VWA3B: variants seen among roughly 807,000 people sequenced by gnomAD.
VWA3B encodes von Willebrand factor A domain containing 3B.
Under a neutral mutation model 158.3 loss-of-function variants are expected in VWA3B, and 138 were observed. The observed-to-expected ratio is 0.87, with a 90% CI of 0.76 to 1.00. The LOEUF is 1.00. Ranked by LOEUF, VWA3B falls within the 50% of genes least tolerant of loss-of-function variation. The probability of loss-of-function intolerance (pLI) is 0.00; values close to 1 mark genes in which losing one functional copy is unlikely to be tolerated. For synonymous variants in VWA3B, 596 were observed against 587.3 expected, an observed-to-expected ratio of 1.01 and a Z score of -0.21; for missense variants, 1,555 against 1,565.1, an observed-to-expected ratio of 0.99 and a Z score of 0.11.
At chr2:98,210,921 A>G (rs1683454901) in intron 12 of VWA3B, among the ~76,000 whole-genome samples, 1 of 152,230 alleles carries the variant, frequency 6.6e-6, no homozygotes, top group Non-Finnish European at 1.5e-5. Flanking sequence ...ACTTGGCAGT[A>G]GTGGCAGATG....
intron 4 of VWA3B, among the ~76,000 whole-genome samples, chr2:98,120,242 T>C (rs1674860589): frequency 1.3e-5 from 2 of 152,208 alleles, no homozygotes. Flanking sequence ...TTCAGAGTTT[T>C]CACAACCAAT....
chr2:98,217,042 G>T, intron 13 of VWA3B: 1 of 1,203,102 alleles, frequency 8.3e-7, no homozygotes, highest in Non-Finnish European at 1.1e-6. Context: ...ATGTTCAAGT[G>T]CCCCAGGATG....
chr2:98,127,050 T>C (rs1675422490), intron 5 of VWA3B, among the ~76,000 whole-genome samples: 2 of 149,264 alleles, frequency 1.3e-5, no homozygotes, highest in South Asian at 4.2e-4. Context: ...ATCTTCAGCT[T>C]ATTGGGATTT....
At chr2:98,223,018 AT>A (rs1684636825) in intron 14 of VWA3B, among the ~76,000 whole-genome samples, 2 of 152,218 alleles carry the variant, frequency 1.3e-5, no homozygotes, top group Non-Finnish European at 2.9e-5. Flanking sequence ...GATGAATCAT[AT>A]GTTGGAATGA....
chr2:98,166,964 G>T (rs970447263), intron 8 of VWA3B, among the ~76,000 whole-genome samples: 2 of 152,130 alleles, frequency 1.3e-5, no homozygotes, highest in African/African-American at 4.8e-5. Context: ...CTTCAATCTG[G>T]CCCTCTATAC....
chr2:98,129,263 AGAGAGGGAG>A (rs1294047002), intron 6 of VWA3B, among the ~76,000 whole-genome samples: 1 of 117,454 alleles, frequency 8.5e-6, no homozygotes, highest in African/African-American at 3.4e-5. Flanking sequence ...GTGTGTGGAG[AGAGAGGGAG>A]GAGAGAGAGG....
chr2:98,213,305 C>T (rs1428805793), intron 13 of VWA3B, among the ~76,000 whole-genome samples: 2 of 151,162 alleles, frequency 1.3e-5, no homozygotes, highest in East Asian at 2.0e-4. Flanking sequence ...AGGGTGGTGT[C>T]ACCACAGAGA....
chr2:98,206,773 G>A, intron 12 of VWA3B: 1 of 347,264 alleles, frequency 2.9e-6, no homozygotes, highest in East Asian at 6.9e-5. Flanking sequence ...TGGTGTTGGA[G>A]TTGACAAGAT....
At chr2:98,243,558 A>G (rs1686211952) in intron 19 of VWA3B, among the ~76,000 whole-genome samples, 1 of 151,846 alleles carries the variant, frequency 6.6e-6, no homozygotes, top group Admixed American at 6.6e-5. Context: ...CTGGTCTTGA[A>G]CTCTTGACCT....
At chr2:98,108,319 G>A (rs1033702828) in intron 2 of VWA3B, among the ~76,000 whole-genome samples, 2 of 152,178 alleles carry the variant, frequency 1.3e-5, no homozygotes, top group African/African-American at 4.8e-5. Context: ...TACTTGAAAA[G>A]AGTGTGTATT....
rs188640179 is a variant in VWA3B, at chr2:98,153,423, C to T, written c.989-9428C>T. 4.2e-3 allele frequency among the ~76,000 whole-genome samples: 634 copies of T among 152,214 alleles called. 3 individuals are homozygous for T. Among genetic ancestry groups the T allele is most frequent in the African/African-American group, 0.015 (604 of 41,534 alleles). Reference sequence around the variant, plus strand: ...GGTGATTCTACCTTCAGAAACTGTGCTTTTTGTGTTGGTGGAGAAAAATGC... The same window carrying T: ...GGTGATTCTACCTTCAGAAACTGTGTTTTTTGTGTTGGTGGAGAAAAATGC... On this transcript the variant is annotated intron_variant, in intron 7 of 27. Coordinates refer to ENST00000477737, the MANE Select transcript of VWA3B (RefSeq NM_144992.5).
In VWA3B at chr2:98,249,619, C is replaced by T. The variant is rs1001592960; in HGVS notation, c.2674-699C>T. Among the ~76,000 whole-genome samples the T allele has an allele frequency of 3.3e-5, 5 of 152,044 alleles. 1 individual carries two copies. Among genetic ancestry groups the T allele is most frequent in the East Asian group, 1.9e-4 (1 of 5,178 alleles). ...CAATACATTTACCATCTTTTCCCCC[C>T]GGAGCTGCTTGGCATGAAATCAAAG... On this transcript the variant is annotated intron_variant, in intron 19 of 27. Transcript: ENST00000477737.
chr2:98,101,936 G>C (rs1039343812), intron 2 of VWA3B, among the ~76,000 whole-genome samples: 4 of 151,628 alleles, frequency 2.6e-5, no homozygotes, highest in Non-Finnish European at 5.9e-5. Context: ...GATGTGGCAG[G>C]GTCATAGGAT....
chr2:98,133,325 C>T (rs1676018083), intron 6 of VWA3B, among the ~76,000 whole-genome samples: 1 of 152,150 alleles, frequency 6.6e-6, no homozygotes, highest in Admixed American at 6.5e-5. Context: ...AAGCCTGGCT[C>T]CTGGGGAAGT....
intron 2 of VWA3B, among the ~76,000 whole-genome samples, chr2:98,097,773 T>G (rs1416415774): frequency 6.6e-6 from 1 of 152,154 alleles, no homozygotes; most frequent in Non-Finnish European, 1.5e-5. Context: ...ACATCTATTG[T>G]TTTTTGACTT....
intron 1 of VWA3B, among the ~76,000 whole-genome samples, chr2:98,091,778 G>C (rs1573730473): frequency 6.6e-6 from 1 of 152,192 alleles, no homozygotes; most frequent in East Asian, 1.9e-4. Flanking sequence ...TAGAAATAGG[G>C]AAAGAACCTA....
intron 7 of VWA3B, among the ~76,000 whole-genome samples, chr2:98,157,361 G>C (rs1678173057): frequency 6.6e-6 from 1 of 152,122 alleles, no homozygotes; most frequent in Admixed American, 6.5e-5. Flanking sequence ...GTGCCTCTGT[G>C]GTTAGGGCAG....
At chr2:98,160,857 G>A (rs1463506130) in intron 7 of VWA3B, among the ~76,000 whole-genome samples, 1 of 152,172 alleles carries the variant, frequency 6.6e-6, no homozygotes, top group East Asian at 1.9e-4. Flanking sequence ...TCTCTGTCAG[G>A]GCTTGTCACT....
At chr2:98,094,576 CT>C (rs1199300280) in intron 2 of VWA3B, among the ~76,000 whole-genome samples, 1 of 152,022 alleles carries the variant, frequency 6.6e-6, no homozygotes, top group Non-Finnish European at 1.5e-5. Context: ...TGTAGGTTGT[CT>C]CTTTACTCTG....
Sources: gnomAD v4.1 joint callset for allele counts (sites outside exome capture counted in the v4.1 genomes callset) on GRCh38, gnomAD v4.1.1 for gene constraint, MANE v1.5 for transcripts, NCBI Gene and HGNC (gene_info 2026-07-23, HGNC 2026-07-21) for gene names.